The following EPB41L5 variants were observed in gnomAD, a reference collection of about 807,000 sequenced individuals.
EPB41L5 encodes the protein erythrocyte membrane protein band 4.1 like 5.
Under a neutral mutation model 106.6 loss-of-function variants are expected in EPB41L5, and 55 were observed. That is an observed-to-expected ratio of 0.52 (90% CI 0.42 to 0.65). The LOEUF is 0.65. Among genes scored for constraint, EPB41L5 ranks in the 30% least tolerant of loss-of-function variants. The probability of loss-of-function intolerance (pLI) is 0.00; values close to 1 mark genes in which losing one functional copy is unlikely to be tolerated. For synonymous variants in EPB41L5, 297 were observed against 306.7 expected, an observed-to-expected ratio of 0.97 and a Z score of 0.33; for missense variants, 871 against 882.1, an observed-to-expected ratio of 0.99 and a Z score of 0.16.
chr2:120,087,131 T>C (rs780730164), intron 10 of EPB41L5, 40 bp from the exon 11 acceptor site: 2 of 1,226,994 alleles, frequency 1.6e-6, no homozygotes, highest in East Asian at 2.3e-5. Flanking sequence ...TAGAGAACAT[T>C]TGTTTGTAAT....
At chr2:120,026,468 A>C (rs1176601001) in intron 2 of EPB41L5, among the ~76,000 whole-genome samples, 1 of 152,180 alleles carries the variant, frequency 6.6e-6, no homozygotes, top group Non-Finnish European at 1.5e-5. Context: ...TCCTGGCTTC[A>C]AGCCAGTCTC....
At chr2:120,174,704 T>G (rs925734314) in intron 24 of EPB41L5, 137 bp from the exon 25 acceptor site, 4 of 716,974 alleles carry the variant, frequency 5.6e-6, no homozygotes, top group African/African-American at 5.2e-5. Flanking sequence ...ATTGCCAGGT[T>G]AGGTGTTACT....
intron 1 of EPB41L5, among the ~76,000 whole-genome samples, chr2:120,016,394 C>T (rs115012159): frequency 0.046 from 6,982 of 151,334 alleles, 234 homozygotes; most frequent in Non-Finnish European, 0.072. Context: ...CGCGCCATTG[C>T]ACTGCAACCT....
intron 21 of EPB41L5, among the ~76,000 whole-genome samples, chr2:120,163,598 T>G (rs998964046): frequency 5.3e-5 from 8 of 151,024 alleles, no homozygotes; most frequent in South Asian, 2.1e-4. Context: ...CTGGTTTTTT[T>G]TTTTTTTTTT....
intron 20 of EPB41L5, among the ~76,000 whole-genome samples, chr2:120,147,303 C>T (rs370411483): frequency 4.6e-5 from 7 of 152,120 alleles, no homozygotes; most frequent in African/African-American, 1.2e-4. Flanking sequence ...GAGCTATGAT[C>T]GCACCACTGC....
chr2:120,052,829 C>G, intron 3 of EPB41L5, among the ~76,000 whole-genome samples: 1 of 152,306 alleles, frequency 6.6e-6, no homozygotes, highest in East Asian at 1.9e-4. Flanking sequence ...ATCTCTCTCT[C>G]GAATACCATG....
At chr2:120,114,860 T>C (rs971472677) in intron 16 of EPB41L5, among the ~76,000 whole-genome samples, 2 of 152,220 alleles carry the variant, frequency 1.3e-5, no homozygotes, top group Non-Finnish European at 2.9e-5. Flanking sequence ...TAAACTTATC[T>C]AGTTTTTCTG....
intron 9 of EPB41L5, 24 bp downstream of exon 9, chr2:120,077,340 T>TTTAAAAA: frequency 6.3e-7 from 1 of 1,584,634 alleles, no homozygotes; most frequent in Non-Finnish European, 8.6e-7. Context: ...TGTGATGCTT[T>TTTAAAAA]TTTAAAAATT....
At chr2:120,091,019 A>G (rs1683372773) in intron 12 of EPB41L5, among the ~76,000 whole-genome samples, 1 of 152,186 alleles carries the variant, frequency 6.6e-6, no homozygotes, top group Non-Finnish European at 1.5e-5. Context: ...TAAAGAAGGA[A>G]TGGATTGTAC....
In EPB41L5 at chr2:120,155,001, C is replaced by T. The variant is rs75228654; in HGVS notation, c.1794-5880C>T. Among the ~76,000 whole-genome samples the T allele has an allele frequency of 7.7e-3, 1,167 of 152,156 alleles. 12 individuals are homozygous for T. The highest frequency in any genetic ancestry group is 0.027 in the African/African-American group (1,108 of 41,524). On this transcript the variant is annotated intron_variant, in intron 20 of 24. Transcript: ENST00000263713. ...ATTTGTAATTGTTTTATGTATTTATCGTTTAAATAATAGTGGAATAAAAGA... is the reference window on the plus strand; with the variant it reads ...ATTTGTAATTGTTTTATGTATTTATTGTTTAAATAATAGTGGAATAAAAGA...
intron 3 of EPB41L5, 136 bp downstream of exon 3, chr2:120,042,246 C>T (rs948075675): frequency 7.4e-6 from 4 of 542,858 alleles, no homozygotes; most frequent in Non-Finnish European, 1.3e-5. Context: ...TCCCTCCCCC[C>T]ACCTCCTTGC....
At position 120,169,643 on chromosome 2, in the gene EPB41L5, TCA is replaced by T. The variant is rs545377308; in HGVS notation, c.2135+1637_2135+1638del. 4.6e-5 allele frequency among the ~76,000 whole-genome samples: 7 copies of T among 152,280 alleles called. No individual in the cohort carries two copies. The South Asian group carries it at 8.3e-4, about 18-fold the overall frequency. ...CTTCCCTTCTCCTTCCTCCGCAACC[TCA>T]GTCTTAACTTTGTATGGCAAAGGAC... On this transcript the variant is annotated intron_variant, in intron 24 of 24. Transcript: ENST00000263713.
intron 20 of EPB41L5, among the ~76,000 whole-genome samples, chr2:120,156,768 A>G (rs575974088): frequency 9.2e-4 from 140 of 152,362 alleles, no homozygotes; most frequent in African/African-American, 3.2e-3. Context: ...CACCCAATAC[A>G]GGAGCACCCA....
chr2:120,140,422 A>G (rs1002766753), intron 18 of EPB41L5, among the ~76,000 whole-genome samples: 2 of 152,078 alleles, frequency 1.3e-5, no homozygotes, highest in Non-Finnish European at 2.9e-5. Flanking sequence ...ATAAATGTAT[A>G]CAAGTACTAT....
At chr2:120,017,388 T>C (rs1391324652) in intron 1 of EPB41L5, among the ~76,000 whole-genome samples, 1 of 152,242 alleles carries the variant, frequency 6.6e-6, no homozygotes, top group Non-Finnish European at 1.5e-5. Flanking sequence ...AGCTGAGTCA[T>C]GTAGTGTATT....
chr2:120,027,333 C>T (rs1678396955), intron 2 of EPB41L5, among the ~76,000 whole-genome samples: 1 of 152,114 alleles, frequency 6.6e-6, no homozygotes, highest in African/African-American at 2.4e-5. Flanking sequence ...CCTGTAATAT[C>T]CATATAATGG....
intron 2 of EPB41L5, among the ~76,000 whole-genome samples, chr2:120,031,169 C>T (rs1678682564): frequency 6.6e-6 from 1 of 152,206 alleles, no homozygotes; most frequent in Non-Finnish European, 1.5e-5. Context: ...ACGCCCAGCC[C>T]CAGCCTCCAA....
intron 2 of EPB41L5, among the ~76,000 whole-genome samples, 195 bp from the exon 3 acceptor site, chr2:120,041,811 G>A (rs1431425209): frequency 1.3e-5 from 2 of 152,066 alleles, no homozygotes; most frequent in Non-Finnish European, 2.9e-5. Flanking sequence ...CACATAAATC[G>A]CAAATTTGTT....
chr2:120,050,880 A>C lies in EPB41L5; in HGVS notation c.285+8770A>C, dbSNP rs1025973228. Among the ~76,000 whole-genome samples, 118 of 152,206 alleles carry C rather than the reference A, an allele frequency of 7.8e-4. 2 individuals are homozygous for C. Among genetic ancestry groups the C allele is most frequent in the Admixed American group, 2.0e-4 (3 of 15,284 alleles). ...TTTGTTAGTTTTCCTTCTAACAGTC[A>C]GGTCCCTCAGCTGCAGGTCTGTTGG... is the stretch of plus-strand genomic sequence containing the variant. On this transcript the variant is annotated intron_variant, in intron 3 of 24. Coordinates refer to ENST00000263713, the MANE Select transcript of EPB41L5 (RefSeq NM_020909.4).
Sources: allele counts gnomAD v4.1 joint callset (sites outside exome capture counted in the v4.1 genomes callset), GRCh38; gene constraint gnomAD v4.1.1; transcripts MANE v1.5; gene names NCBI Gene and HGNC (gene_info 2026-07-23, HGNC 2026-07-21).